The following NME7 variants were observed in gnomAD, a reference collection of about 807,000 sequenced individuals.
The protein encoded by NME7 is NME/NM23 family member 7, also known as nucleoside diphosphate kinase 7.
Under a neutral mutation model 49.1 loss-of-function variants are expected in NME7, and 41 were observed. That is an observed-to-expected ratio of 0.83 (90% CI 0.65 to 1.08). The LOEUF (loss-of-function observed/expected upper bound fraction) is 1.08. Among genes scored for constraint, NME7 ranks in the 50% least tolerant of loss-of-function variants. NME7 has a pLI of 0.00. For missense variants in NME7, 423 were observed against 463.4 expected, an observed-to-expected ratio of 0.91 and a Z score of 0.80; for synonymous variants, 139 against 150.6, an observed-to-expected ratio of 0.92 and a Z score of 0.56.
At chr1:169,234,949 C>T (rs1267966549) in intron 9 of NME7, among the ~76,000 whole-genome samples, 182 bp downstream of exon 9, 3 of 152,086 alleles carry the variant, frequency 2.0e-5, no homozygotes, top group Non-Finnish European at 4.4e-5. Flanking sequence ...CTCGCTCTCT[C>T]CTGATTTCTC....
chr1:169,281,244 T>A (rs1649999418), intron 7 of NME7, among the ~76,000 whole-genome samples: 1 of 152,148 alleles, frequency 6.6e-6, no homozygotes, highest in African/African-American at 2.4e-5. Flanking sequence ...GATGCACAAT[T>A]TGGCTCTCTG....
At chr1:169,324,597 A>C in intron 1 of NME7, 97 bp from the exon 2 acceptor site, 2 of 703,598 alleles carry the variant, frequency 2.8e-6, no homozygotes, top group South Asian at 1.8e-5. Flanking sequence ...TGCAAGAAAC[A>C]AAATTACTTC....
At chr1:169,168,857 CAA>C in intron 11 of NME7, 1 of 456,156 alleles carries the variant, frequency 2.2e-6, no homozygotes, top group Non-Finnish European at 4.4e-6. Context: ...AAAGTTCACC[CAA>C]GAGTTTTTTC....
At chr1:169,276,205 A>T (rs1649717881) in intron 7 of NME7, among the ~76,000 whole-genome samples, 1 of 134,144 alleles carries the variant, frequency 7.5e-6, no homozygotes, top group African/African-American at 2.5e-5. Flanking sequence ...GCCTCATAAA[A>T]TGAGTTAGGG....
At chr1:169,148,069 C>T (rs1037661287) in intron 11 of NME7, among the ~76,000 whole-genome samples, 1 of 151,774 alleles carries the variant, frequency 6.6e-6, no homozygotes, top group African/African-American at 2.4e-5. Context: ...GTGCTTTGAT[C>T]TCTGCTCACT....
intron 6 of NME7, among the ~76,000 whole-genome samples, chr1:169,297,410 A>G (rs1277937186): frequency 6.6e-6 from 1 of 152,162 alleles, no homozygotes; most frequent in Non-Finnish European, 1.5e-5. Context: ...TACGGCCTAT[A>G]AGACCATATA....
chr1:169,192,525 G>A (rs575476223), intron 10 of NME7, among the ~76,000 whole-genome samples: 21 of 151,824 alleles, frequency 1.4e-4, no homozygotes, highest in Non-Finnish European at 2.6e-4. Flanking sequence ...TCAGGGACTT[G>A]AGCATCTCAG....
At chr1:169,339,413 T>A (rs985713393) in intron 1 of NME7, among the ~76,000 whole-genome samples, 1 of 152,160 alleles carries the variant, frequency 6.6e-6, no homozygotes, top group African/African-American at 2.4e-5. Flanking sequence ...AATCAATAAA[T>A]AAATTCTGGG....
At chr1:169,292,926 G>T (rs1249782195) in intron 6 of NME7, among the ~76,000 whole-genome samples, 1 of 152,012 alleles carries the variant, frequency 6.6e-6, no homozygotes, top group East Asian at 1.9e-4. Flanking sequence ...GATAAACAGG[G>T]CAGAAGAAAG....
chr1:169,258,399 T>TACAC lies in NME7; in HGVS notation c.755-20713_755-20712insGTGT, dbSNP rs1432435705. Among the ~76,000 whole-genome samples, 384 of 68,586 alleles carry TACAC rather than the reference T, an allele frequency of 5.6e-3. 15 individuals are homozygous for TACAC. Among genetic ancestry groups the TACAC allele is most frequent in the African/African-American group, 0.019 (350 of 18,392 alleles). 45.0% of individuals were successfully genotyped at this position (68,586 alleles called of 152,430 possible). On this transcript the variant is annotated intron_variant, in intron 7 of 11. Coordinates refer to ENST00000367811, the MANE Select transcript of NME7 (RefSeq NM_013330.5). ...ACATATATATATATATATATATATA[T>TACAC]ATATATACACACACACACACACACA...
rs66848452 is a variant in NME7, at chr1:169,342,953, GTATA to G, written c.4-18457_4-18454del. Among the ~76,000 whole-genome samples the G allele has an allele frequency of 3.5e-3, 139 of 40,220 alleles. 2 individuals carry two copies. The highest frequency in any genetic ancestry group is 9.4e-3 in the African/African-American group (120 of 12,808). The allele number at this position is 40,220 out of a possible 152,430, so 26.4% of individuals were successfully genotyped here. ...CAAGTACATATATATACTTGTATTA[GTATA>G]TATATATATATATACAAGTACATAT... On this transcript the variant is annotated intron_variant, in intron 1 of 11. Coordinates refer to ENST00000367811, the MANE Select transcript of NME7 (RefSeq NM_013330.5).
At chr1:169,282,963 T>G (rs1650086669) in intron 7 of NME7, among the ~76,000 whole-genome samples, 1 of 152,162 alleles carries the variant, frequency 6.6e-6, no homozygotes, top group Non-Finnish European at 1.5e-5. Context: ...CTATTAGGTC[T>G]GCTTGGTTTA....
Position 169,205,559 on chromosome 1 carries a change from G to A in NME7, c.990+25159C>T, listed in dbSNP as rs575353232. 5.3e-5 allele frequency among the ~76,000 whole-genome samples: 8 copies of A among 152,138 alleles called. No individual in the cohort carries two copies. In the East Asian group the frequency reaches 5.8e-4, roughly 11 times the overall value. ...CTCACAACCGGCTTATTCTTTTTCC[G>A]TTTTATTGGTGAAGAAACAGATTAT... is the stretch of plus-strand genomic sequence containing the variant. On this transcript the variant is annotated intron_variant, in intron 10 of 11. Coordinates refer to ENST00000367811, the MANE Select transcript of NME7 (RefSeq NM_013330.5).
intron 1 of NME7, among the ~76,000 whole-genome samples, chr1:169,363,937 C>T (rs1187939623): frequency 1.3e-5 from 2 of 152,160 alleles, no homozygotes; most frequent in Non-Finnish European, 2.9e-5. Context: ...CAGGCAAAAA[C>T]CAAAAACAGT....
At chr1:169,233,247 T>C (rs1647716957) in intron 9 of NME7, among the ~76,000 whole-genome samples, 1 of 152,190 alleles carries the variant, frequency 6.6e-6, no homozygotes, top group Non-Finnish European at 1.5e-5. Flanking sequence ...GCTCTCTATA[T>C]AAAGCTGTAT....
At chr1:169,143,294 A>G (rs1428899890) in intron 11 of NME7, among the ~76,000 whole-genome samples, 1 of 51,054 alleles carries the variant, frequency 2.0e-5, no homozygotes, top group Non-Finnish European at 4.6e-5. Context: ...TTTTTTTTGC[A>G]TTTTATATTT....
Position 169,235,184 on chromosome 1 carries a change from C to A in NME7, c.835G>T (p.Val279Phe), listed in dbSNP as rs1647808338. ...ACTTCATAGAATTCCTCAACATTAA[C>A]CCGATCCATATTGAACTATATTAAA... ...SAMQMFNMDR[V>F]NVEEFYEVYK... is the part of the protein sequence containing the mutation. Residue 279 changes from valine to phenylalanine, a missense_variant, in exon 9 of 12, where the codon GTT becomes TTT. By Grantham distance (50) the Val-to-Phe change is conservative. Transcript: ENST00000367811. 6.5e-6 allele frequency: 10 copies of A among 1,545,120 alleles called. No homozygotes were observed. Among genetic ancestry groups the A allele is most frequent in the Non-Finnish European group, 8.0e-6 (9 of 1,129,298 alleles).
chr1:169,266,396 G>C (rs1649321594), intron 7 of NME7, among the ~76,000 whole-genome samples: 1 of 133,128 alleles, frequency 7.5e-6, no homozygotes, highest in South Asian at 2.3e-4. Context: ...ATAAAATTCA[G>C]CATCCCCTCA....
intron 1 of NME7, among the ~76,000 whole-genome samples, chr1:169,325,513 T>C (rs894211364): frequency 2.6e-5 from 4 of 151,982 alleles, no homozygotes; most frequent in African/African-American, 9.7e-5. Context: ...CCTTTTCCCT[T>C]GACTATTGAG....
Sources: gnomAD v4.1 joint callset for allele counts (sites outside exome capture counted in the v4.1 genomes callset) on GRCh38, gnomAD v4.1.1 for gene constraint, MANE v1.5 for transcripts, NCBI Gene and HGNC (gene_info 2026-07-23, HGNC 2026-07-21) for gene names.